FBXO4: variants seen among roughly 807,000 people sequenced by gnomAD.
FBXO4 encodes F-box only protein 4.
In FBXO4, 36 loss-of-function variants were observed where a neutral mutation model predicts 43.7. The observed-to-expected ratio is 0.82, with a 90% confidence interval of 0.63 to 1.09. FBXO4 has a LOEUF of 1.09. Ranked by LOEUF, FBXO4 falls within the 50% of genes least tolerant of loss-of-function variation. The probability of loss-of-function intolerance (pLI) is 0.00; values close to 1 mark genes in which losing one functional copy is unlikely to be tolerated. For missense variants in FBXO4, 435 were observed against 474.1 expected, an observed-to-expected ratio of 0.92 and a Z score of 0.77; for synonymous variants, 180 against 165.6, an observed-to-expected ratio of 1.09 and a Z score of -0.67.
At chr5:42,024,745 A>G in the FBXO4 span, among the ~76,000 whole-genome samples, 55 of 151,982 alleles carry the variant, frequency 3.6e-4, no homozygotes, top group African/African-American at 1.2e-3. Flanking sequence ...TCTACTCTCT[A>G]TGTCCATGAG....
the FBXO4 span, among the ~76,000 whole-genome samples, chr5:42,022,043 G>C: frequency 6.6e-6 from 1 of 152,020 alleles, no homozygotes; most frequent in Non-Finnish European, 1.5e-5. Flanking sequence ...AAACACTTTG[G>C]GTACGTCATT....
At chr5:42,003,161 G>A in the FBXO4 span, among the ~76,000 whole-genome samples, 2 of 152,160 alleles carry the variant, frequency 1.3e-5, no homozygotes, top group Non-Finnish European at 2.9e-5. Flanking sequence ...AATGAACTAA[G>A]TAACTTTAAG....
chr5:42,037,632 C>G, the FBXO4 span, among the ~76,000 whole-genome samples: 1 of 152,084 alleles, frequency 6.6e-6, no homozygotes, highest in South Asian at 2.1e-4. Flanking sequence ...ACAACCTGAA[C>G]ATTTTAAAAT....
chr5:41,993,775 T>C, the FBXO4 span, among the ~76,000 whole-genome samples: 9 of 151,970 alleles, frequency 5.9e-5, no homozygotes, highest in Admixed American at 6.6e-5. Context: ...ACTGAGGAAC[T>C]TGGAGTCTGA....
At chr5:41,935,223 ATAAAT>A (rs1003154215) in intron 5 of FBXO4, 14 of 828,234 alleles carry the variant, frequency 1.7e-5, no homozygotes, top group Middle Eastern at 6.2e-4. Context: ...CACACAAAAA[ATAAAT>A]TAAAAAAATT....
chr5:42,004,040 C>G, the FBXO4 span, among the ~76,000 whole-genome samples: 2 of 152,142 alleles, frequency 1.3e-5, no homozygotes, highest in African/African-American at 2.4e-5. Flanking sequence ...GAATATTATG[C>G]AGCCATGAAA....
At chr5:41,941,114 C>A in intron 6 of FBXO4, 78 bp from the exon 7 acceptor site, 1 of 1,079,988 alleles carries the variant, frequency 9.3e-7, no homozygotes, top group South Asian at 1.4e-5. Context: ...TTTTTAGTGT[C>A]TAGAAAAATG....
chr5:41,939,629 A>T lies in FBXO4; in HGVS notation c.1074+13A>T, dbSNP rs755204377. 7 of 1,575,526 alleles carry T rather than the reference A, an allele frequency of 4.4e-6. No individual in the cohort carries two copies. In the East Asian group the frequency reaches 1.6e-4, roughly 35 times the overall value. Reference sequence around the variant, plus strand: ...TCACCCATGGCTGGTAAGATCATTTATACTCTAGTGACAAAAATTTTATTT... The same window carrying T: ...TCACCCATGGCTGGTAAGATCATTTTTACTCTAGTGACAAAAATTTTATTT... On this transcript the variant is annotated intron_variant, in intron 6 of 6. Transcript: ENST00000281623.
chr5:41,952,914 A>G, the FBXO4 span, among the ~76,000 whole-genome samples: 1 of 151,072 alleles, frequency 6.6e-6, no homozygotes, highest in Non-Finnish European at 1.5e-5. Flanking sequence ...TTTTCCTCTC[A>G]TTAATCATTC....
the FBXO4 span, among the ~76,000 whole-genome samples, chr5:41,961,757 T>A: frequency 6.6e-6 from 1 of 152,150 alleles, no homozygotes; most frequent in African/African-American, 2.4e-5. Context: ...GGGAGAGGTG[T>A]CAGCTTCTTG....
At chr5:41,987,037 TCTGA>T in the FBXO4 span, among the ~76,000 whole-genome samples, 2 of 152,146 alleles carry the variant, frequency 1.3e-5, no homozygotes, top group African/African-American at 4.8e-5. Context: ...AATGCTACAT[TCTGA>T]CTAACTAGAA....
the FBXO4 span, among the ~76,000 whole-genome samples, chr5:42,022,999 T>C: frequency 0.016 from 2,438 of 152,162 alleles, 123 homozygotes; most frequent in East Asian, 0.1. Context: ...ACAATGATGT[T>C]TAGGTAACAA....
chr5:41,946,021 C>T (rs145193197), downstream of FBXO4, among the ~76,000 whole-genome samples: 19 of 152,234 alleles, frequency 1.2e-4, 1 homozygote, highest in African/African-American at 4.1e-4. Flanking sequence ...TTACTTCATC[C>T]CCATGTGACC....
the FBXO4 span, among the ~76,000 whole-genome samples, chr5:42,007,250 T>C: frequency 1.3e-5 from 2 of 151,902 alleles, no homozygotes; most frequent in Non-Finnish European, 2.9e-5. Context: ...AAAAAAATAG[T>C]ATGAAACAAT....
the FBXO4 span, among the ~76,000 whole-genome samples, chr5:42,021,743 G>A: frequency 1.6e-4 from 24 of 152,116 alleles, no homozygotes; most frequent in African/African-American, 5.8e-4. Flanking sequence ...GGATTGGGTA[G>A]GAGACTTTCG....
At chr5:41,939,253 A>G in intron 5 of FBXO4, 188 bp from the exon 6 acceptor site, 2 of 477,332 alleles carry the variant, frequency 4.2e-6, no homozygotes, top group Non-Finnish European at 7.4e-6. Flanking sequence ...TGTGAAAGGA[A>G]CTACCTGTAT....
At chr5:41,969,987 G>C in the FBXO4 span, among the ~76,000 whole-genome samples, 1 of 152,042 alleles carries the variant, frequency 6.6e-6, no homozygotes, top group Non-Finnish European at 1.5e-5. Context: ...TGTGGTTACT[G>C]TATACAAAGC....
At chr5:42,037,047 C>T in the FBXO4 span, among the ~76,000 whole-genome samples, 1 of 152,006 alleles carries the variant, frequency 6.6e-6, no homozygotes, top group Non-Finnish European at 1.5e-5. Context: ...GCACTTGGTT[C>T]AGAGATTTGT....
At chr5:41,977,336 A>T in the FBXO4 span, among the ~76,000 whole-genome samples, 2 of 151,932 alleles carry the variant, frequency 1.3e-5, no homozygotes, top group African/African-American at 4.8e-5. Context: ...TAGCTTGCAA[A>T]TTTTCCAGAG....
Sources: allele counts gnomAD v4.1 joint callset (sites outside exome capture counted in the v4.1 genomes callset), GRCh38; gene constraint gnomAD v4.1.1; transcripts MANE v1.5; gene names NCBI Gene and HGNC (gene_info 2026-07-23, HGNC 2026-07-21).